Variants in C2orf49 observed in about 807,000 individuals in gnomAD.
C2orf49 encodes tRNA-splicing ligase complex subunit ASW.
Under a neutral mutation model 20.6 loss-of-function variants are expected in C2orf49, and 11 were observed. The ratio of observed to expected loss-of-function variants is 0.53; its 90% CI spans 0.34 to 0.88. The LOEUF is 0.88. C2orf49 is among the 40% of genes least tolerant of loss of function. C2orf49 has a pLI of 0.02. For missense variants in C2orf49, 289 were observed against 274.2 expected (o/e 1.05, Z -0.38); for synonymous variants, 134 against 108.5 (o/e 1.24, Z -1.46).
At position 105,339,717 on chromosome 2, in the gene C2orf49, A is replaced by G. The variant is rs141950651; in HGVS notation, c.234A>G (p.Arg78=). 4.5e-5 allele frequency: 73 copies of G among 1,604,664 alleles called. No individual in the cohort carries two copies. The African/African-American group carries it at 7.8e-4, about 17-fold the overall frequency. ...NRWGKMMEKK[R]EQHEIKNETK... The stretch of plus-strand genomic sequence containing the variant: ...GGGGGAAAATGATGGAAAAGAAAAG[A>G]GAACAACATGAGATTAAAAATGAGA... Residue 78 remains arginine (R), a synonymous_variant, in exon 2 of 4, where the codon AGA becomes AGG. Transcript: ENST00000258457.
chr2:105,337,707 G>A lies in C2orf49; in HGVS notation c.99+21G>A. 3 of 392,906 alleles carry A rather than the reference G, an allele frequency of 7.6e-6. 1 individual carries two copies. The highest frequency in any genetic ancestry group is 5.0e-6 in the Non-Finnish European group (1 of 200,448). 24.3% of individuals were successfully genotyped at this position (392,906 alleles called of 1,614,324 possible). ...AGCAGGTTGGGCGCGCCGGATCGGA[G>A]GGTGGGCGGGTGGGCCTTCCCAGGT... is the stretch of plus-strand genomic sequence containing the variant. On this transcript the variant is annotated intron_variant, in intron 1 of 3. Transcript: ENST00000258457.
chr2:105,360,955 CAT>C, the C2orf49 span: 1 of 197,320 alleles, frequency 5.1e-6, no homozygotes, highest in Non-Finnish European at 1.0e-5. Flanking sequence ...AAGTTCGTGA[CAT>C]ATGTTAATTG....
At chr2:105,339,416 C>T (rs1370895613) in intron 1 of C2orf49, among the ~76,000 whole-genome samples, 167 bp from the exon 2 acceptor site, 1 of 152,190 alleles carries the variant, frequency 6.6e-6, no homozygotes, top group Non-Finnish European at 1.5e-5. Context: ...AACCTAGTAT[C>T]TACAGAATTT....
chr2:105,364,502 G>A, the C2orf49 span, among the ~76,000 whole-genome samples: 1 of 152,234 alleles, frequency 6.6e-6, no homozygotes, highest in Non-Finnish European at 1.5e-5. Context: ...AAGCTGCAAA[G>A]CCACATGAGG....
the C2orf49 span, among the ~76,000 whole-genome samples, chr2:105,382,199 A>G: frequency 6.6e-6 from 1 of 152,336 alleles, no homozygotes; most frequent in South Asian, 2.1e-4. Context: ...GAGTTTGTGA[A>G]ACAACTTGAG....
the C2orf49 span, among the ~76,000 whole-genome samples, chr2:105,385,295 G>A: frequency 6.6e-6 from 1 of 152,318 alleles, no homozygotes; most frequent in Middle Eastern, 3.4e-3. Flanking sequence ...GCAGCCTTCT[G>A]ATTCCTGTCT....
chr2:105,384,437 A>T, the C2orf49 span, among the ~76,000 whole-genome samples: 1 of 152,322 alleles, frequency 6.6e-6, no homozygotes, highest in East Asian at 1.9e-4. Context: ...GAAGAGTACG[A>T]GTGCGAGTGC....
downstream of C2orf49, among the ~76,000 whole-genome samples, chr2:105,353,410 AT>A (rs201635007): frequency 3.3e-5 from 5 of 151,622 alleles, no homozygotes; most frequent in African/African-American, 9.7e-5. Context: ...TCTAGTCTCA[AT>A]TTTTTTTTCT....
the C2orf49 span, chr2:105,363,036 G>A: frequency 2.1e-6 from 1 of 475,798 alleles, no homozygotes; most frequent in South Asian, 3.2e-5. Context: ...CCAACCCAAA[G>A]CAGAAACTAA....
the C2orf49 span, chr2:105,358,766 T>C: frequency 6.6e-6 from 1 of 152,264 alleles, no homozygotes; most frequent in Admixed American, 6.5e-5. Context: ...TGTAAAGTCC[T>C]GTCAGTCAAT....
chr2:105,348,928 G>A lies in C2orf49; in HGVS notation c.*3557G>A, dbSNP rs1336845523. ...GATTCGAGTAGTCCAGCCATATCTT[G>A]TAGCCCTTCTTTGAATGAGAGGGTG... On this transcript the variant is annotated 3_prime_UTR_variant, in exon 4 of 4. Transcript: ENST00000258457. 2 of 152,144 alleles carry A rather than the reference G, an allele frequency of 1.3e-5. No homozygotes were observed. The highest frequency in any genetic ancestry group is 2.9e-5 in the Non-Finnish European group (2 of 68,040). 9.4% of individuals were successfully genotyped at this position (152,144 alleles called of 1,614,324 possible).
intron 1 of C2orf49, 102 bp downstream of exon 1, chr2:105,337,788 C>A: frequency 9.3e-7 from 1 of 1,078,364 alleles, no homozygotes; most frequent in Non-Finnish European, 1.3e-6. Context: ...CGGACACTCC[C>A]GCCGGGTTTG....
chr2:105,348,681 GA>G lies in C2orf49; in HGVS notation c.*3314del, dbSNP rs1679873095. ...TGTGCAGGTTTTGTAATTCAGTACA[GA>G]AAAGTTTAACCTTGTACATTTTTGT... On this transcript the variant is annotated 3_prime_UTR_variant, in exon 4 of 4. Coordinates refer to ENST00000258457, the MANE Select transcript of C2orf49 (RefSeq NM_024093.3). 1 of 151,822 alleles carries G rather than the reference GA, an allele frequency of 6.6e-6. No individual in the cohort carries two copies. The highest frequency in any genetic ancestry group is 1.5e-5 in the Non-Finnish European group (1 of 67,958). 9.4% of individuals were successfully genotyped at this position (151,822 alleles called of 1,614,324 possible). A position where few individuals can be genotyped will look rare whatever the true frequency, so the allele number is the denominator to read the frequency against.
intron 3 of C2orf49, among the ~76,000 whole-genome samples, chr2:105,343,939 T>C (rs1679742931): frequency 6.6e-6 from 1 of 152,070 alleles, no homozygotes; most frequent in Non-Finnish European, 1.5e-5. Context: ...TTCTGTAGAA[T>C]ACTTTGCCTT....
At chr2:105,356,125 C>T in the C2orf49 span, among the ~76,000 whole-genome samples, 1 of 152,112 alleles carries the variant, frequency 6.6e-6, no homozygotes, top group Non-Finnish European at 1.5e-5. Flanking sequence ...TGTTGTGGCT[C>T]ACACCTGTAA....
At chr2:105,361,566 C>G in the C2orf49 span, 14 of 730,772 alleles carry the variant, frequency 1.9e-5, no homozygotes, top group South Asian at 3.8e-5. Flanking sequence ...TTTCTAGTGA[C>G]TGGGTGTTGG....
At chr2:105,365,244 A>T in the C2orf49 span, among the ~76,000 whole-genome samples, 1 of 152,134 alleles carries the variant, frequency 6.6e-6, no homozygotes, top group Non-Finnish European at 1.5e-5. Flanking sequence ...CTCAGTAACT[A>T]CTGACGGGTT....
chr2:105,384,879 C>A, the C2orf49 span, among the ~76,000 whole-genome samples: 1,564 of 152,268 alleles, frequency 0.01, 34 homozygotes, highest in African/African-American at 0.035. Flanking sequence ...GGCCACACAG[C>A]AAGTGAGACA....
chr2:105,361,225 A>G, the C2orf49 span: 1 of 1,556,430 alleles, frequency 6.4e-7, no homozygotes, highest in South Asian at 1.2e-5. Context: ...CCTGGGTGAG[A>G]AAGAAAACAT....
Sources: allele counts gnomAD v4.1 joint callset (sites outside exome capture counted in the v4.1 genomes callset), GRCh38; gene constraint gnomAD v4.1.1; transcripts MANE v1.5; gene names NCBI Gene and HGNC (gene_info 2026-07-23, HGNC 2026-07-21).